The following UBE2R2 variants were observed in gnomAD, a reference collection of about 807,000 sequenced individuals.
The protein encoded by UBE2R2 is ubiquitin-conjugating enzyme E2 R2.
UBE2R2 carries 1 observed loss-of-function variant against 27.8 expected under a neutral mutation model. The observed-to-expected ratio is 0.04, with a 90% confidence interval of 0.01 to 0.17. The LOEUF is 0.17. Among genes scored for constraint, UBE2R2 ranks in the 10% least tolerant of loss-of-function variants. UBE2R2 has a pLI of 1.00. For synonymous variants in UBE2R2, 106 were observed against 113.3 expected, an observed-to-expected ratio of 0.94 and a Z score of 0.41; for missense variants, 100 against 291.0, an observed-to-expected ratio of 0.34 and a Z score of 4.78.
chr9:33,870,129 G>C (rs1305674916), intron 1 of UBE2R2, among the ~76,000 whole-genome samples: 1 of 151,860 alleles, frequency 6.6e-6, no homozygotes, highest in Non-Finnish European at 1.5e-5. Context: ...ACAGGCATGA[G>C]CCACTGTGCC....
intron 1 of UBE2R2, among the ~76,000 whole-genome samples, chr9:33,826,874 G>A (rs1052653064): frequency 6.6e-6 from 1 of 152,156 alleles, no homozygotes; most frequent in Non-Finnish European, 1.5e-5. Context: ...CCTGAGCTCG[G>A]AAGTTCGAGA....
At chr9:33,866,407 T>A (rs2130774271) in intron 1 of UBE2R2, among the ~76,000 whole-genome samples, 1 of 152,064 alleles carries the variant, frequency 6.6e-6, no homozygotes, top group South Asian at 2.1e-4. Context: ...CCTGGCTAAT[T>A]TTTGTATTTT....
At chr9:33,868,284 A>G (rs1466716717) in intron 1 of UBE2R2, among the ~76,000 whole-genome samples, 3 of 152,164 alleles carry the variant, frequency 2.0e-5, no homozygotes, top group Non-Finnish European at 4.4e-5. Context: ...GGGCAGGCCA[A>G]AAAGGCAACA....
intron 2 of UBE2R2, among the ~76,000 whole-genome samples, chr9:33,896,951 G>T (rs1222815745): frequency 3.2e-5 from 3 of 92,626 alleles, no homozygotes; most frequent in African/African-American, 1.4e-4. Context: ...TGTGTTTTTT[G>T]TGTTTTTTTT....
At chr9:33,915,416 A>G (rs1822617294) in intron 4 of UBE2R2, among the ~76,000 whole-genome samples, 1 of 152,222 alleles carries the variant, frequency 6.6e-6, no homozygotes, top group African/African-American at 2.4e-5. Context: ...AAGAGCTGTC[A>G]GCATAAAGGG....
intron 2 of UBE2R2, among the ~76,000 whole-genome samples, 183 bp downstream of exon 2, chr9:33,887,150 A>G (rs1821878031): frequency 6.6e-6 from 1 of 152,234 alleles, no homozygotes; most frequent in Admixed American, 6.5e-5. Context: ...GTTTTATAAT[A>G]TCCTGTGTAT....
intron 1 of UBE2R2, among the ~76,000 whole-genome samples, chr9:33,827,380 C>T (rs1441023052): frequency 2.0e-5 from 3 of 152,128 alleles, no homozygotes; most frequent in Non-Finnish European, 4.4e-5. Flanking sequence ...GTGGCTCACG[C>T]CTGTAATCCC....
At chr9:33,833,842 G>A (rs1820552349) in intron 1 of UBE2R2, among the ~76,000 whole-genome samples, 2 of 152,060 alleles carry the variant, frequency 1.3e-5, no homozygotes, top group African/African-American at 4.8e-5. Flanking sequence ...TCTCCTTTCT[G>A]TCTTTATGAA....
At chr9:33,861,548 T>C (rs1197927888) in intron 1 of UBE2R2, among the ~76,000 whole-genome samples, 2 of 151,856 alleles carry the variant, frequency 1.3e-5, no homozygotes, top group Non-Finnish European at 2.9e-5. Context: ...GCTGAGATCA[T>C]GCCACTGCAC....
intron 1 of UBE2R2, 55 bp from the exon 2 acceptor site, chr9:33,886,826 G>T: frequency 7.1e-7 from 1 of 1,411,296 alleles, no homozygotes. Context: ...GAATTATTAG[G>T]CAGATGAATA....
chr9:33,868,272 CG>C (rs1377208326), intron 1 of UBE2R2, among the ~76,000 whole-genome samples: 4 of 152,064 alleles, frequency 2.6e-5, no homozygotes, highest in South Asian at 4.2e-4. Context: ...AGGATAGGGG[CG>C]GGGCAGGCCA....
chr9:33,887,152 C>A (rs1430432688), intron 2 of UBE2R2, among the ~76,000 whole-genome samples, 185 bp downstream of exon 2: 1 of 152,062 alleles, frequency 6.6e-6, no homozygotes, highest in Non-Finnish European at 1.5e-5. Flanking sequence ...TTTATAATAT[C>A]CTGTGTATAT....
At chr9:33,878,314 G>T (rs947863358) in intron 1 of UBE2R2, among the ~76,000 whole-genome samples, 2 of 152,114 alleles carry the variant, frequency 1.3e-5, no homozygotes, top group Admixed American at 6.5e-5. Context: ...TACTGAGGCA[G>T]TTGTAAGTAA....
At chr9:33,903,774 G>A (rs1822295726) in intron 3 of UBE2R2, among the ~76,000 whole-genome samples, 1 of 152,102 alleles carries the variant, frequency 6.6e-6, no homozygotes, top group Non-Finnish European at 1.5e-5. Flanking sequence ...GGCCACCTGA[G>A]CCACAATTTA....
rs540396520 is a variant in UBE2R2, at chr9:33,916,937, TATTG to T, written c.498-77_498-74del. 3,643 of 1,546,928 alleles carry T rather than the reference TATTG, an allele frequency of 2.4e-3. 7 individuals carry two copies. Among genetic ancestry groups the T allele is most frequent in the Non-Finnish European group, 3.0e-3 (3,477 of 1,149,488 alleles). ...GTTTGGAGAGCTGAGTCATAAGTAATATTGATTATTTAAGGCCAATTATAAATCT... is the reference window on the plus strand; with the variant it reads ...GTTTGGAGAGCTGAGTCATAAGTAATATTATTTAAGGCCAATTATAAATCT... On this transcript the variant is annotated intron_variant, in intron 4 of 4. Transcript: ENST00000263228.
At chr9:33,830,345 C>CG (rs1185225455) in intron 1 of UBE2R2, among the ~76,000 whole-genome samples, 1 of 149,920 alleles carries the variant, frequency 6.7e-6, no homozygotes, top group Non-Finnish European at 1.5e-5. Flanking sequence ...TTGGTAGAGA[C>CG]GGGGTTTCAC....
At chr9:33,826,256 T>C (rs757193664) in intron 1 of UBE2R2, among the ~76,000 whole-genome samples, 4 of 152,196 alleles carry the variant, frequency 2.6e-5, no homozygotes, top group African/African-American at 4.8e-5. Context: ...ATTATGCTTA[T>C]GTACCTCAAA....
intron 3 of UBE2R2, among the ~76,000 whole-genome samples, chr9:33,907,012 C>T (rs137873514): frequency 9.2e-5 from 14 of 152,274 alleles, no homozygotes; most frequent in East Asian, 1.9e-4. Flanking sequence ...GCCTGGGGGC[C>T]GGGTGAGACC....
intron 1 of UBE2R2, among the ~76,000 whole-genome samples, chr9:33,847,928 T>C (rs984300380): frequency 6.6e-6 from 1 of 151,908 alleles, no homozygotes; most frequent in African/African-American, 2.4e-5. Context: ...GTTTTTTTTG[T>C]ATTTTTAGTA....
Sources: allele counts gnomAD v4.1 joint callset (sites outside exome capture counted in the v4.1 genomes callset), GRCh38; gene constraint gnomAD v4.1.1; transcripts MANE v1.5; gene names NCBI Gene and HGNC (gene_info 2026-07-23, HGNC 2026-07-21).